TRDN: variants seen among roughly 807,000 people sequenced by gnomAD.
TRDN encodes triadin.
A neutral mutation model predicts 149.7 loss-of-function variants in TRDN; 161 were observed. The ratio of observed to expected loss-of-function variants is 1.08; its 90% CI spans 0.95 to 1.23. TRDN has a LOEUF of 1.23. Among genes scored for constraint, TRDN ranks in the 50% most tolerant of loss-of-function variants. The pLI is 0.00. For missense variants in TRDN, 896 were observed against 823.5 expected (o/e 1.09, Z -1.08); for synonymous variants, 294 against 250.5 (o/e 1.17, Z -1.64).
intron 24 of TRDN, among the ~76,000 whole-genome samples, chr6:123,296,338 A>G (rs1184889612): frequency 6.6e-6 from 1 of 152,166 alleles, no homozygotes; most frequent in Admixed American, 6.6e-5. Context: ...GCATTTTACC[A>G]TTTAAATTGA....
chr6:123,347,390 T>C (rs911646619), intron 21 of TRDN, among the ~76,000 whole-genome samples: 2 of 152,024 alleles, frequency 1.3e-5, no homozygotes, highest in African/African-American at 4.8e-5. Flanking sequence ...TTTTTCTGTG[T>C]GTATCAAGGG....
intron 5 of TRDN, among the ~76,000 whole-genome samples, chr6:123,528,326 G>T (rs897379207): frequency 1.3e-5 from 2 of 150,786 alleles, no homozygotes; most frequent in Non-Finnish European, 3.0e-5. Flanking sequence ...GACTCCCAAG[G>T]CTCTCCCGAT....
chr6:123,416,811 C>G (rs1192951890), intron 12 of TRDN, among the ~76,000 whole-genome samples: 2 of 151,584 alleles, frequency 1.3e-5, no homozygotes, highest in Admixed American at 6.6e-5. Flanking sequence ...AAGCGATTCT[C>G]TCGCCTCAGT....
intron 33 of TRDN, among the ~76,000 whole-genome samples, chr6:123,264,668 C>A (rs1562236318): frequency 2.4e-5 from 1 of 42,410 alleles, no homozygotes; most frequent in Admixed American, 3.0e-4. Context: ...ACAGAGAAAT[C>A]TTTTGTCAGT....
chr6:123,322,613 T>TTTATTATTATTATTA (rs139658634), intron 23 of TRDN, among the ~76,000 whole-genome samples: 7 of 140,966 alleles, frequency 5.0e-5, no homozygotes, highest in African/African-American at 1.6e-4. Context: ...TTTTTTAAAA[T>TTTATTATTATTATTA]TTATTATTAT....
chr6:123,337,248 ATATAT>A (rs1562267699), intron 22 of TRDN, among the ~76,000 whole-genome samples: 1 of 152,044 alleles, frequency 6.6e-6, no homozygotes. Context: ...AGTGCTTGGG[ATATAT>A]TATGCACTAA....
At chr6:123,580,998 A>G (rs1783094658) in intron 1 of TRDN, among the ~76,000 whole-genome samples, 1 of 152,196 alleles carries the variant, frequency 6.6e-6, no homozygotes, top group African/African-American at 2.4e-5. Flanking sequence ...CTCAAACCCC[A>G]GCCTCAAGTG....
At chr6:123,482,372 A>G (rs184662113) in intron 9 of TRDN, among the ~76,000 whole-genome samples, 165 of 152,330 alleles carry the variant, frequency 1.1e-3, no homozygotes, top group African/African-American at 3.6e-3. Context: ...AATAATTGTT[A>G]TTTAATAGGC....
At chr6:123,380,389 G>A (rs922567973) in intron 16 of TRDN, among the ~76,000 whole-genome samples, 6 of 152,144 alleles carry the variant, frequency 3.9e-5, no homozygotes, top group East Asian at 1.9e-4. Flanking sequence ...CTGGTGCAGC[G>A]TTTATAGAGT....
chr6:123,313,130 A>G (rs76779308), intron 24 of TRDN, among the ~76,000 whole-genome samples: 1 of 152,126 alleles, frequency 6.6e-6, no homozygotes, highest in Non-Finnish European at 1.5e-5. Flanking sequence ...TTTCAGCTCT[A>G]TCAGGTCACT....
At chr6:123,311,211 G>A (rs1300198807) in intron 24 of TRDN, among the ~76,000 whole-genome samples, 2 of 151,966 alleles carry the variant, frequency 1.3e-5, no homozygotes, top group African/African-American at 4.8e-5. Flanking sequence ...CAGCAGACAA[G>A]AGGGAGCAAG....
intron 23 of TRDN, among the ~76,000 whole-genome samples, chr6:123,321,712 G>T (rs72974638): frequency 0.017 from 2,605 of 152,088 alleles, 29 homozygotes; most frequent in Non-Finnish European, 0.026. Context: ...ACTCCAAATA[G>T]CTTGACTTCA....
chr6:123,340,375 T>C (rs1685791022), intron 21 of TRDN, among the ~76,000 whole-genome samples: 1 of 152,130 alleles, frequency 6.6e-6, no homozygotes, highest in Non-Finnish European at 1.5e-5. Context: ...TGATCAAGTA[T>C]AAATTCAGTT....
At chr6:123,544,170 C>T (rs567592244) in intron 4 of TRDN, among the ~76,000 whole-genome samples, 20 of 150,002 alleles carry the variant, frequency 1.3e-4, no homozygotes, top group Non-Finnish European at 2.1e-4. Flanking sequence ...AATGAGACAG[C>T]GTTCATCAAT....
chr6:123,404,593 C>G (rs557349927), intron 12 of TRDN, among the ~76,000 whole-genome samples: 1 of 152,042 alleles, frequency 6.6e-6, no homozygotes, highest in Non-Finnish European at 1.5e-5. Context: ...GGATTACAGG[C>G]GTGCACCACC....
intron 7 of TRDN, 63 bp downstream of exon 7, chr6:123,512,240 C>T: frequency 2.0e-6 from 2 of 975,930 alleles, no homozygotes; most frequent in South Asian, 1.8e-5. Context: ...TATCTGTTAC[C>T]CAAAAATTAA....
At chr6:123,222,243 T>C (rs1775176248) in intron 39 of TRDN, among the ~76,000 whole-genome samples, 2 of 151,338 alleles carry the variant, frequency 1.3e-5, no homozygotes, top group Admixed American at 6.6e-5. Flanking sequence ...GTGTGTTTCA[T>C]AGAAAGTTAG....
chr6:123,438,066 T>C lies in TRDN; in HGVS notation c.1048A>G (p.Lys350Glu), dbSNP rs1198242662. The part of the protein sequence containing the change: ...EKETAIDVEK[K>E]EPGKASETKQ... Reference sequence around the variant, plus strand: ...GGAAACAAAGAAAGTGCAATACCTTTTTTTTCCACATCAATGGCAGTTTCC... The same window carrying C: ...GGAAACAAAGAAAGTGCAATACCTTCTTTTTCCACATCAATGGCAGTTTCC... The change falls in exon 12 of 41, where the codon AAA (lysine) becomes GAA (glutamate). Residue 350 changes from lysine to glutamate, a missense_variant. Lys to Glu is a moderately conservative substitution (Grantham distance 56). Transcript: ENST00000334268. The C allele has an allele frequency of 6.3e-7, 1 of 1,597,406 alleles. No individual in the cohort carries two copies. Among genetic ancestry groups the C allele is most frequent in the South Asian group, 1.1e-5 (1 of 87,418 alleles).
At chr6:123,508,404 T>G (rs1441591480) in intron 7 of TRDN, among the ~76,000 whole-genome samples, 2 of 152,122 alleles carry the variant, frequency 1.3e-5, no homozygotes, top group Non-Finnish European at 2.9e-5. Context: ...TAAATATACA[T>G]GAACCATGTG....
Sources: gnomAD v4.1 joint callset for allele counts (sites outside exome capture counted in the v4.1 genomes callset) on GRCh38, gnomAD v4.1.1 for gene constraint, MANE v1.5 for transcripts, NCBI Gene and HGNC (gene_info 2026-07-23, HGNC 2026-07-21) for gene names.